Variants in ATOSA observed in about 807,000 individuals in gnomAD.
The protein encoded by ATOSA is atos homolog protein A.
the ATOSA span, among the ~76,000 whole-genome samples, chr15:52,624,783 T>C: frequency 4.0e-5 from 6 of 151,196 alleles, no homozygotes; most frequent in African/African-American, 1.5e-4. Context: ...CCTGCTTATT[T>C]TTTTTTTTTT....
At chr15:52,629,817 TA>T in the ATOSA span, 54 of 145,782 alleles carry the variant, frequency 3.7e-4, no homozygotes, top group East Asian at 9.4e-3. Flanking sequence ...AATTAAAAAA[TA>T]AAAAAAAAGA....
At chr15:52,609,463 T>C in the ATOSA span, 51 of 1,613,658 alleles carry the variant, frequency 3.2e-5, no homozygotes, top group African/African-American at 4.0e-5. Flanking sequence ...TGCAATAACA[T>C]CTTGCCGCTC....
chr15:52,664,259 T>C, the ATOSA span, among the ~76,000 whole-genome samples: 1 of 152,170 alleles, frequency 6.6e-6, no homozygotes, highest in African/African-American at 2.4e-5. Context: ...CCATAGATTT[T>C]CTAGATCTAA....
the ATOSA span, chr15:52,649,906 A>C: frequency 2.0e-5 from 3 of 152,152 alleles, no homozygotes; most frequent in African/African-American, 7.2e-5. Flanking sequence ...CACAATGGCA[A>C]AGCCTCTGTG....
At chr15:52,667,491 T>C in the ATOSA span, among the ~76,000 whole-genome samples, 1 of 152,212 alleles carries the variant, frequency 6.6e-6, no homozygotes, top group Non-Finnish European at 1.5e-5. Context: ...GCAGTAACTG[T>C]ATTGCAGGTA....
the ATOSA span, chr15:52,593,495 T>C: frequency 2.3e-6 from 3 of 1,294,146 alleles, no homozygotes; most frequent in Non-Finnish European, 3.1e-6. Context: ...GATTTATATT[T>C]TCAAGTACTG....
the ATOSA span, among the ~76,000 whole-genome samples, chr15:52,667,839 A>C: frequency 6.6e-6 from 1 of 152,252 alleles, no homozygotes; most frequent in South Asian, 2.1e-4. Flanking sequence ...AGAGAAATGC[A>C]AATCAAAACC....
At chr15:52,610,263 G>T in the ATOSA span, 4 of 1,613,950 alleles carry the variant, frequency 2.5e-6, no homozygotes, top group Admixed American at 6.7e-5. Context: ...TAGATTGTCT[G>T]GGCAAGGACT....
chr15:52,700,019 C>T, the ATOSA span, among the ~76,000 whole-genome samples: 1 of 152,250 alleles, frequency 6.6e-6, no homozygotes, highest in East Asian at 1.9e-4. Flanking sequence ...CCATGAACTA[C>T]TTTATTTTCA....
the ATOSA span, among the ~76,000 whole-genome samples, chr15:52,673,362 T>C: frequency 1.2e-3 from 190 of 152,352 alleles, no homozygotes; most frequent in African/African-American, 4.4e-3. Context: ...TACTTACTGC[T>C]ACCAGTCAGG....
chr15:52,674,087 G>T, the ATOSA span, among the ~76,000 whole-genome samples: 1 of 152,180 alleles, frequency 6.6e-6, no homozygotes, highest in African/African-American at 2.4e-5. Flanking sequence ...ACTAATTTAT[G>T]ATTTATTTTA....
At chr15:52,697,683 TAACA>T in the ATOSA span, among the ~76,000 whole-genome samples, 1 of 151,758 alleles carries the variant, frequency 6.6e-6, no homozygotes, top group South Asian at 2.1e-4. Flanking sequence ...TACATATATC[TAACA>T]AACAATTTGG....
At chr15:52,691,375 T>C in the ATOSA span, among the ~76,000 whole-genome samples, 1 of 152,208 alleles carries the variant, frequency 6.6e-6, no homozygotes, top group Non-Finnish European at 1.5e-5. Context: ...TCTGCAACTC[T>C]CTGGGAACAC....
At chr15:52,622,226 T>G in the ATOSA span, among the ~76,000 whole-genome samples, 1 of 152,174 alleles carries the variant, frequency 6.6e-6, no homozygotes, top group African/African-American at 2.4e-5. Context: ...AGTATACTGG[T>G]TCTGGTATTG....
the ATOSA span, among the ~76,000 whole-genome samples, chr15:52,644,989 G>C: frequency 6.6e-6 from 1 of 152,218 alleles, no homozygotes; most frequent in African/African-American, 2.4e-5. Context: ...TGAAAGGCTA[G>C]AAGAGTAGAA....
At chr15:52,587,106 A>G in the ATOSA span, 1 of 1,611,926 alleles carries the variant, frequency 6.2e-7, no homozygotes, top group Non-Finnish European at 8.5e-7. Context: ...TTCTATATGT[A>G]TGTGAGAGAA....
the ATOSA span, among the ~76,000 whole-genome samples, chr15:52,643,503 G>A: frequency 4.2e-4 from 62 of 148,278 alleles, 1 homozygote; most frequent in Non-Finnish European, 5.2e-4. Flanking sequence ...TGCCCAGACT[G>A]GTCTTGAACT....
the ATOSA span, among the ~76,000 whole-genome samples, chr15:52,597,292 A>G: frequency 6.6e-6 from 1 of 152,138 alleles, no homozygotes; most frequent in African/African-American, 2.4e-5. Context: ...CCCAAGTGAA[A>G]TGAAAATTTA....
chr15:52,605,467 T>C, the ATOSA span, among the ~76,000 whole-genome samples: 2 of 152,130 alleles, frequency 1.3e-5, no homozygotes, highest in South Asian at 4.1e-4. Flanking sequence ...GCATCATATA[T>C]ACTTTACTGG....
Sources: allele counts gnomAD v4.1 joint callset (sites outside exome capture counted in the v4.1 genomes callset), GRCh38; gene constraint gnomAD v4.1.1; transcripts MANE v1.5; gene names NCBI Gene and HGNC (gene_info 2026-07-23, HGNC 2026-07-21).